Variants in DLGAP2 observed in about 807,000 individuals in gnomAD.
DLGAP2 encodes the protein disks large-associated protein 2.
A neutral mutation model predicts 100.3 loss-of-function variants in DLGAP2; 26 were observed. That is an observed-to-expected ratio of 0.26 (90% CI 0.19 to 0.36). DLGAP2 has a LOEUF of 0.36. Ranked by LOEUF, DLGAP2 falls within the 10% of genes least tolerant of loss-of-function variation. DLGAP2 has a pLI of 1.00. For synonymous variants in DLGAP2, 886 were observed against 630.1 expected (o/e 1.41, Z -6.08); for missense variants, 1,858 against 1,453.2 (o/e 1.28, Z -4.53).
chr8:1,154,896 G>T (rs922601369), intron 2 of DLGAP2, among the ~76,000 whole-genome samples: 2 of 152,174 alleles, frequency 1.3e-5, no homozygotes, highest in Non-Finnish European at 2.9e-5. Flanking sequence ...ACCTGGACGC[G>T]CAGTGTCCTC....
chr8:756,207 G>C (rs73524804), intron 1 of DLGAP2, among the ~76,000 whole-genome samples: 6,883 of 152,130 alleles, frequency 0.045, 518 homozygotes, highest in African/African-American at 0.16. Context: ...CTGGCGTCTG[G>C]GGGGGATACT....
intron 2 of DLGAP2, among the ~76,000 whole-genome samples, chr8:986,877 C>T (rs1209382464): frequency 6.6e-6 from 1 of 152,124 alleles, no homozygotes; most frequent in Non-Finnish European, 1.5e-5. Context: ...CCAGGCTGGT[C>T]TCAAACTCCT....
At chr8:1,619,393 G>A (rs2130752413) in intron 6 of DLGAP2, among the ~76,000 whole-genome samples, 1 of 152,314 alleles carries the variant, frequency 6.6e-6, no homozygotes. Context: ...CTACAAGTGA[G>A]ACCTGTGCCT....
intron 4 of DLGAP2, among the ~76,000 whole-genome samples, chr8:1,525,662 G>A (rs745542452): frequency 2.1e-4 from 32 of 152,220 alleles, no homozygotes; most frequent in South Asian, 4.1e-4. Context: ...TCTAATGCTG[G>A]GAGGTTCTTC....
intron 6 of DLGAP2, among the ~76,000 whole-genome samples, chr8:1,580,564 G>C (rs548461815): frequency 4.6e-5 from 7 of 152,282 alleles, no homozygotes; most frequent in African/African-American, 1.4e-4. Context: ...AAGAAACGTG[G>C]GAAGCACTAA....
chr8:1,376,918 C>G (rs539220835), intron 3 of DLGAP2, among the ~76,000 whole-genome samples: 30 of 152,338 alleles, frequency 2.0e-4, no homozygotes, highest in African/African-American at 6.0e-4. Context: ...TTGTCATGGC[C>G]CCTTCTGCAG....
chr8:1,329,593 G>A lies in DLGAP2; in HGVS notation c.106+70710G>A, dbSNP rs902704442. On this transcript the variant is annotated intron_variant, in intron 3 of 14. Coordinates refer to ENST00000637795, the MANE Select transcript of DLGAP2 (RefSeq NM_001346810.2). The stretch of plus-strand genomic sequence containing the variant: ...TCGGTAGATGCTTACTGACTACTCC[G>A]TCCTGGTTCTGTGCCGGGTCCTGGG... 3.5e-4 allele frequency among the ~76,000 whole-genome samples: 54 copies of A among 152,162 alleles called. 1 individual carries two copies. The highest frequency in any genetic ancestry group is 6.5e-4 in the African/African-American group (27 of 41,434).
Position 1,489,046 on chromosome 8 carries a change from C to T in DLGAP2, c.107-12320C>T, listed in dbSNP as rs116650220. On this transcript the variant is annotated intron_variant, in intron 3 of 14. Transcript: ENST00000637795. ...CGCACTGTTACCTTCTGCACATGGT[C>T]CAACTTCTTTAAGGAAGCAAGGTGT... is the stretch of plus-strand genomic sequence containing the variant. Among the ~76,000 whole-genome samples the T allele has an allele frequency of 5.6e-3, 855 of 152,308 alleles. 8 individuals carry two copies. Among genetic ancestry groups the T allele is most frequent in the African/African-American group, 0.02 (815 of 41,558 alleles).
intron 1 of DLGAP2, among the ~76,000 whole-genome samples, chr8:759,057 A>G (rs866731893): frequency 7.2e-4 from 69 of 96,444 alleles, no homozygotes; most frequent in African/African-American, 2.0e-3. Context: ...ACCCCCCACA[A>G]CCTTCCCATT....
At chr8:1,428,183 G>C (rs1400911348) in intron 3 of DLGAP2, among the ~76,000 whole-genome samples, 1 of 151,530 alleles carries the variant, frequency 6.6e-6, no homozygotes, top group East Asian at 1.9e-4. Context: ...GTTAAAAATA[G>C]ACAATCTCTA....
At chr8:1,133,460 G>A (rs2129049409) in intron 2 of DLGAP2, among the ~76,000 whole-genome samples, 1 of 152,070 alleles carries the variant, frequency 6.6e-6, no homozygotes, top group South Asian at 2.1e-4. Context: ...CTTTTAGAAG[G>A]GACTTAGAAT....
Position 1,632,995 on chromosome 8 carries a change from A to G in DLGAP2, c.1759A>G (p.Ile587Val), listed in dbSNP as rs1016529791. 7 of 1,613,882 alleles carry G rather than the reference A, an allele frequency of 4.3e-6. No individual in the cohort carries two copies. The highest frequency in any genetic ancestry group is 2.7e-5 in the African/African-American group (2 of 74,934). Reference sequence around the variant, plus strand: ...CGGCTACTCCCAAGATGACGAATGTATTCCCATGATGACACCCTCTGACAT... The same window carrying G: ...CGGCTACTCCCAAGATGACGAATGTGTTCCCATGATGACACCCTCTGACAT... ...QAGYSQDDEC[I>V]PMMTPSDITS... Residue 587 changes from isoleucine (I) to valine (V), a missense_variant, in exon 8 of 15, where the codon ATT (isoleucine) becomes GTT (valine). Transcript: ENST00000637795.
intron 3 of DLGAP2, among the ~76,000 whole-genome samples, chr8:1,267,612 A>G (rs1563052050): frequency 8.4e-6 from 1 of 118,474 alleles, no homozygotes; most frequent in African/African-American, 3.7e-5. Flanking sequence ...ATAAGATAAG[A>G]TAAGATAAGA....
intron 2 of DLGAP2, among the ~76,000 whole-genome samples, chr8:940,537 G>T (rs78646255): frequency 6.6e-6 from 1 of 152,102 alleles, no homozygotes; most frequent in Non-Finnish European, 1.5e-5. Context: ...GACCACATCC[G>T]TGTCCATGAC....
At chr8:778,517 G>A (rs576087199) in intron 1 of DLGAP2, among the ~76,000 whole-genome samples, 27 of 152,298 alleles carry the variant, frequency 1.8e-4, no homozygotes, top group Non-Finnish European at 3.4e-4. Flanking sequence ...TATACAGATG[G>A]GTTTTCAGTG....
intron 2 of DLGAP2, among the ~76,000 whole-genome samples, chr8:1,164,127 C>CGTTTTGGTTTGTGCGG (rs1563224059): frequency 1.1e-5 from 1 of 94,190 alleles, no homozygotes; most frequent in African/African-American, 4.1e-5. Context: ...CAGGGCCCGT[C>CGTTTTGGTTTGTGCGG]ATTTTGGTTT....
chr8:811,872 G>C (rs1351620498), intron 1 of DLGAP2, among the ~76,000 whole-genome samples: 1 of 152,254 alleles, frequency 6.6e-6, no homozygotes, highest in Non-Finnish European at 1.5e-5. Flanking sequence ...CTGACTCTGA[G>C]GCTCTGCACT....
At chr8:1,080,247 G>C (rs1803758988) in intron 2 of DLGAP2, among the ~76,000 whole-genome samples, 1 of 152,220 alleles carries the variant, frequency 6.6e-6, no homozygotes. Flanking sequence ...ACTTGGTAGA[G>C]TCTCCAGGGT....
At chr8:1,472,236 G>C (rs992177556) in intron 3 of DLGAP2, among the ~76,000 whole-genome samples, 2 of 152,308 alleles carry the variant, frequency 1.3e-5, no homozygotes, top group Admixed American at 1.3e-4. Context: ...TGGGAGGGGA[G>C]GGGGGTTGAG....
Sources: gnomAD v4.1 joint callset for allele counts (sites outside exome capture counted in the v4.1 genomes callset) on GRCh38, gnomAD v4.1.1 for gene constraint, MANE v1.5 for transcripts, NCBI Gene and HGNC (gene_info 2026-07-23, HGNC 2026-07-21) for gene names.